EPB41L2: variants seen among roughly 807,000 people sequenced by gnomAD.
EPB41L2 encodes the protein erythrocyte membrane protein band 4.1 like 2, also known as band 4.1-like protein 2.
In EPB41L2, 43 loss-of-function variants were observed where a neutral mutation model predicts 113.0. The ratio of observed to expected loss-of-function variants is 0.38; its 90% CI spans 0.30 to 0.49. The LOEUF (loss-of-function observed/expected upper bound fraction) is 0.49. Among genes scored for constraint, EPB41L2 ranks in the 20% least tolerant of loss-of-function variants. The pLI, the probability that EPB41L2 is intolerant of heterozygous loss-of-function variation, is 0.95. For synonymous variants in EPB41L2, 442 were observed against 436.7 expected, an observed-to-expected ratio of 1.01 and a Z score of -0.15; for missense variants, 1,147 against 1,223.4, an observed-to-expected ratio of 0.94 and a Z score of 0.93.
At chr6:130,942,171 T>C (rs965458284) in intron 3 of EPB41L2, among the ~76,000 whole-genome samples, 2 of 152,210 alleles carry the variant, frequency 1.3e-5, no homozygotes, top group Non-Finnish European at 1.5e-5. Context: ...TGTTTCCACT[T>C]GGCCACAGAG....
At chr6:130,898,570 A>G (rs946077145) in intron 8 of EPB41L2, among the ~76,000 whole-genome samples, 1 of 152,182 alleles carries the variant, frequency 6.6e-6, no homozygotes, top group African/African-American at 2.4e-5. Flanking sequence ...TGTAAGTGAT[A>G]TTGTTACTGG....
At chr6:131,033,269 AGAAG>A (rs766624186) in intron 1 of EPB41L2, among the ~76,000 whole-genome samples, 8 of 152,156 alleles carry the variant, frequency 5.3e-5, no homozygotes, top group Admixed American at 2.6e-4. Context: ...GGAGAAGGAA[AGAAG>A]GAAGGAAGGA....
chr6:130,951,889 C>A (rs1329846683), intron 3 of EPB41L2, among the ~76,000 whole-genome samples: 1 of 151,968 alleles, frequency 6.6e-6, no homozygotes, highest in African/African-American at 2.4e-5. Context: ...ACCAGCATAT[C>A]CCAGGTAGAG....
At chr6:130,887,224 C>T (rs1221829593) in intron 11 of EPB41L2, among the ~76,000 whole-genome samples, 1 of 152,042 alleles carries the variant, frequency 6.6e-6, no homozygotes, top group African/African-American at 2.4e-5. Flanking sequence ...ATTTTGAAGC[C>T]GATACATTTA....
At chr6:130,852,641 G>A (rs1467849929) in intron 19 of EPB41L2, among the ~76,000 whole-genome samples, 2 of 152,104 alleles carry the variant, frequency 1.3e-5, no homozygotes, top group African/African-American at 4.8e-5. Flanking sequence ...GCCTCATGCT[G>A]ACCGTCAACA....
chr6:130,979,987 AAG>A (rs1257292250), intron 1 of EPB41L2, among the ~76,000 whole-genome samples: 1 of 152,184 alleles, frequency 6.6e-6, no homozygotes, highest in Non-Finnish European at 1.5e-5. Flanking sequence ...AGAACCTATC[AAG>A]GAGGCTAAGA....
At chr6:130,940,027 C>A (rs946512538) in intron 3 of EPB41L2, among the ~76,000 whole-genome samples, 1 of 152,146 alleles carries the variant, frequency 6.6e-6, no homozygotes, top group African/African-American at 2.4e-5. Flanking sequence ...ATGCAAGGAA[C>A]CTGGGAAAAG....
intron 8 of EPB41L2, among the ~76,000 whole-genome samples, chr6:130,896,265 A>G (rs889190258): frequency 1.3e-5 from 2 of 152,262 alleles, no homozygotes; most frequent in African/African-American, 4.8e-5. Context: ...ATAAAATTAC[A>G]TTAGACCAAC....
intron 3 of EPB41L2, among the ~76,000 whole-genome samples, chr6:130,953,492 G>A (rs1288399700): frequency 6.6e-6 from 1 of 151,996 alleles, no homozygotes; most frequent in African/African-American, 2.4e-5. Flanking sequence ...ACAGGAAGGG[G>A]AACATCACAC....
intron 11 of EPB41L2, among the ~76,000 whole-genome samples, chr6:130,886,189 G>A (rs1028280901): frequency 6.6e-6 from 1 of 152,132 alleles, no homozygotes; most frequent in Non-Finnish European, 1.5e-5. Flanking sequence ...AACACCTTTA[G>A]ACTGCAAGCT....
chr6:130,862,659 T>A (rs1782522057), intron 18 of EPB41L2, among the ~76,000 whole-genome samples: 1 of 152,136 alleles, frequency 6.6e-6, no homozygotes, highest in Non-Finnish European at 1.5e-5. Context: ...CTTAAGAAAA[T>A]TTTAAAAGTA....
At chr6:131,056,892 C>A (rs1047323704) in intron 1 of EPB41L2, among the ~76,000 whole-genome samples, 13 of 152,082 alleles carry the variant, frequency 8.5e-5, no homozygotes, top group South Asian at 4.1e-4. Flanking sequence ...GAAATAAATG[C>A]ACATTCATTA....
At chr6:130,878,892 GAATA>G (rs1188907098) in intron 13 of EPB41L2, among the ~76,000 whole-genome samples, 4 of 152,252 alleles carry the variant, frequency 2.6e-5, no homozygotes, top group Admixed American at 2.0e-4. Context: ...CCTCTTTATA[GAATA>G]AATAAACCAC....
At chr6:130,973,274 T>G (rs1186824323) in intron 1 of EPB41L2, among the ~76,000 whole-genome samples, 1 of 7,426 alleles carries the variant, frequency 1.3e-4, no homozygotes, top group Non-Finnish European at 1.9e-4. Context: ...ACACAAAACT[T>G]TTTTTTTTTT....
intron 15 of EPB41L2, chr6:130,868,480 C>A (rs566769541): frequency 6.6e-6 from 1 of 152,304 alleles, no homozygotes; most frequent in South Asian, 2.1e-4. Context: ...TTTGAGAGAA[C>A]ATTCTCAACA....
intron 3 of EPB41L2, among the ~76,000 whole-genome samples, chr6:130,947,898 T>C (rs79759292): frequency 8.5e-4 from 130 of 152,322 alleles, no homozygotes; most frequent in African/African-American, 2.8e-3. Flanking sequence ...TAATAGCTAT[T>C]AGGATATTGA....
chr6:130,880,332 T>C, intron 12 of EPB41L2, 126 bp from the exon 13 acceptor site: 1 of 669,468 alleles, frequency 1.5e-6, no homozygotes, highest in South Asian at 1.9e-5. Flanking sequence ...ATACAAATCT[T>C]ATGAACTTAA....
chr6:131,014,218 A>G (rs987305996), intron 1 of EPB41L2: 1 of 152,248 alleles, frequency 6.6e-6, no homozygotes, highest in Non-Finnish European at 1.5e-5. Flanking sequence ...TCAAGTATAC[A>G]AAATCAACCC....
At chr6:131,035,701 C>G (rs2077718807) in intron 1 of EPB41L2, among the ~76,000 whole-genome samples, 1 of 152,160 alleles carries the variant, frequency 6.6e-6, no homozygotes, top group African/African-American at 2.4e-5. Context: ...TAAACTTTGA[C>G]CCTTTAAGAC....
Sources: gnomAD v4.1 joint callset for allele counts (sites outside exome capture counted in the v4.1 genomes callset) on GRCh38, gnomAD v4.1.1 for gene constraint, MANE v1.5 for transcripts, NCBI Gene and HGNC (gene_info 2026-07-23, HGNC 2026-07-21) for gene names.